The following TMC7 variants were observed in gnomAD, a reference collection of about 807,000 sequenced individuals.
TMC7 encodes the protein transmembrane channel like 7.
A neutral mutation model predicts 82.9 loss-of-function variants in TMC7; 54 were observed. The observed-to-expected ratio is 0.65, with a 90% CI of 0.52 to 0.82. The LOEUF (loss-of-function observed/expected upper bound fraction) is 0.82. Among genes scored for constraint, TMC7 ranks in the 40% least tolerant of loss-of-function variants. TMC7 has a pLI of 0.00. For missense variants in TMC7, 820 were observed against 901.2 expected, an observed-to-expected ratio of 0.91 and a Z score of 1.15; for synonymous variants, 350 against 337.9, an observed-to-expected ratio of 1.04 and a Z score of -0.39.
intron 1 of TMC7, among the ~76,000 whole-genome samples, chr16:18,991,729 T>TC: frequency 6.6e-6 from 1 of 152,008 alleles, no homozygotes; most frequent in South Asian, 2.1e-4. Context: ...ATGCTATCCC[T>TC]CCCCCGTCCC....
intron 5 of TMC7, among the ~76,000 whole-genome samples, chr16:19,029,903 C>T (rs1960429439): frequency 6.6e-6 from 1 of 151,752 alleles, no homozygotes. Flanking sequence ...TTAGTGAAGA[C>T]GGGGGTTTTG....
Position 19,045,015 on chromosome 16 carries a change from C to T in TMC7, c.1455+14C>T, listed in dbSNP as rs189610482. 6,006 of 1,545,256 alleles carry T rather than the reference C, an allele frequency of 3.9e-3. 141 individuals are homozygous for T. The African/African-American group carries it at 0.062, about 16-fold the overall frequency. ...AAACTCTACCCGGTGAGTTGCGGGG[C>T]GGGGGCGTTCGGCTGGGTGGGTCCT... On this transcript the variant is annotated intron_variant, in intron 10 of 15. Coordinates refer to ENST00000304381, the MANE Select transcript of TMC7 (RefSeq NM_024847.4).
intron 3 of TMC7, among the ~76,000 whole-genome samples, chr16:19,020,398 T>C (rs572398142): frequency 1.3e-5 from 2 of 152,330 alleles, no homozygotes; most frequent in South Asian, 4.1e-4. Context: ...AATGTCATTT[T>C]TTTTTGCAGA....
At chr16:19,044,768 CAAAAAAAAA>C (rs1165792461) in intron 9 of TMC7, 107 bp from the exon 10 acceptor site, 13 of 292,004 alleles carry the variant, frequency 4.5e-5, no homozygotes, top group African/African-American at 1.5e-4. Context: ...CACTCCATCT[CAAAAAAAAA>C]AAAAAAAAAA....
At chr16:18,988,391 G>A (rs1350518729) in intron 1 of TMC7, among the ~76,000 whole-genome samples, 2 of 147,940 alleles carry the variant, frequency 1.4e-5, no homozygotes, top group East Asian at 2.0e-4. Flanking sequence ...CTGACCTCAG[G>A]TGATCCACCC....
At chr16:18,987,931 C>T (rs1302383691) in intron 1 of TMC7, among the ~76,000 whole-genome samples, 1 of 152,156 alleles carries the variant, frequency 6.6e-6, no homozygotes, top group Non-Finnish European at 1.5e-5. Context: ...TGGTCTGGAG[C>T]AGGGACTACT....
chr16:19,051,217 G>T (rs1227053648), intron 12 of TMC7, among the ~76,000 whole-genome samples: 4 of 142,814 alleles, frequency 2.8e-5, no homozygotes, highest in African/African-American at 7.7e-5. Context: ...TTTTTTTTTG[G>T]ATTTTTTTCT....
intron 3 of TMC7, among the ~76,000 whole-genome samples, chr16:19,019,007 G>A (rs1209829794): frequency 6.6e-6 from 1 of 152,108 alleles, no homozygotes; most frequent in Non-Finnish European, 1.5e-5. Context: ...CGTGCCACCA[G>A]GCCGGCTAAT....
chr16:19,045,136 T>A, intron 10 of TMC7, 135 bp downstream of exon 10: 1 of 882,664 alleles, frequency 1.1e-6, no homozygotes, highest in Non-Finnish European at 1.9e-6. Context: ...TGAGACAGAG[T>A]CTGGCCCCAT....
At chr16:18,984,186 G>C in intron 1 of TMC7, 56 bp downstream of exon 1, 1 of 1,436,198 alleles carries the variant, frequency 7.0e-7, no homozygotes, top group Non-Finnish European at 9.1e-7. Context: ...GAGGGCGCAC[G>C]GAGGGAGCCG....
chr16:19,047,041 A>T (rs1432477216), intron 11 of TMC7, 22 bp from the exon 12 acceptor site: 3 of 1,584,920 alleles, frequency 1.9e-6, no homozygotes, highest in East Asian at 2.2e-5. Flanking sequence ...CAGTAGCCCA[A>T]ATGAGAATTG....
intron 5 of TMC7, among the ~76,000 whole-genome samples, chr16:19,024,713 CA>C (rs2142218837): frequency 6.6e-6 from 1 of 151,904 alleles, no homozygotes; most frequent in East Asian, 2.0e-4. Flanking sequence ...TGGCTAAAAG[CA>C]ATGAGATTTT....
intron 5 of TMC7, 62 bp from the exon 6 acceptor site, chr16:19,030,162 A>C: frequency 6.5e-7 from 1 of 1,532,996 alleles, no homozygotes. Flanking sequence ...GGCAGGGACT[A>C]CTCTTCTGGT....
At chr16:19,058,335 G>C (rs763680457) in intron 14 of TMC7, among the ~76,000 whole-genome samples, 1 of 152,072 alleles carries the variant, frequency 6.6e-6, no homozygotes, top group Non-Finnish European at 1.5e-5. Flanking sequence ...AGCTGAGATC[G>C]CGCCATTGCA....
At chr16:19,035,175 C>G (rs368867731) in intron 6 of TMC7, among the ~76,000 whole-genome samples, 2 of 152,162 alleles carry the variant, frequency 1.3e-5, no homozygotes, top group African/African-American at 4.8e-5. Context: ...AATGCAGGAA[C>G]AGAAAACCAA....
chr16:19,008,501 T>G (rs1245428541), intron 1 of TMC7, among the ~76,000 whole-genome samples: 1 of 152,142 alleles, frequency 6.6e-6, no homozygotes, highest in Non-Finnish European at 1.5e-5. Flanking sequence ...CCACATAGTC[T>G]CATCTTCCAG....
Position 19,016,559 on chromosome 16 carries a change from C to A in TMC7, c.421C>A (p.His141Asn). Residue 141 changes from histidine (H) to asparagine (N), a missense_variant, in exon 3 of 16, where the codon CAC becomes AAC. His to Asn is a moderately conservative substitution (Grantham distance 68). This residue lies in a region of TMC7 where 650 missense variants were observed against 669.9 expected (regional missense o/e 0.97). Coordinates refer to ENST00000304381, the MANE Select transcript of TMC7 (RefSeq NM_024847.4). ...AGAGAAGGCTCGAGAGATGACGACC[C>A]ACCTGGAGCTGTGGCGGGAGGACAT... ...FLEKAREMTT[H>N]LELWREDIRS... 1.2e-6 allele frequency: 2 copies of A among 1,614,072 alleles called. No homozygotes were observed. Among genetic ancestry groups the A allele is most frequent in the Non-Finnish European group, 1.7e-6 (2 of 1,180,028 alleles).
At chr16:19,020,843 C>T (rs1026851553) in intron 3 of TMC7, among the ~76,000 whole-genome samples, 3 of 145,958 alleles carry the variant, frequency 2.1e-5, no homozygotes, top group African/African-American at 7.6e-5. Flanking sequence ...CAGAGTGAGA[C>T]ATGGTGTCAA....
intron 9 of TMC7, among the ~76,000 whole-genome samples, chr16:19,044,660 G>T (rs1283054019): frequency 2.6e-5 from 4 of 151,518 alleles, no homozygotes; most frequent in African/African-American, 7.3e-5. Flanking sequence ...AAATTAGCTG[G>T]GTATGGTGGC....
Sources: allele counts gnomAD v4.1 joint callset (sites outside exome capture counted in the v4.1 genomes callset), GRCh38; gene constraint gnomAD v4.1.1; regional missense constraint gnomAD v4.1.1; transcripts MANE v1.5; gene names NCBI Gene and HGNC (gene_info 2026-07-23, HGNC 2026-07-21).